Variants in COL5A3 observed in about 807,000 individuals in gnomAD.
COL5A3 encodes collagen alpha-3(V) chain.
COL5A3 carries 172 observed loss-of-function variants against 250.0 expected under a neutral mutation model. The observed-to-expected ratio is 0.69, with a 90% CI of 0.61 to 0.78. The LOEUF is 0.78. Ranked by LOEUF, COL5A3 falls within the 30% of genes least tolerant of loss-of-function variation. The pLI, the probability that COL5A3 is intolerant of heterozygous loss-of-function variation, is 0.00. For synonymous variants in COL5A3, 937 were observed against 900.4 expected, an observed-to-expected ratio of 1.04 and a Z score of -0.73; for missense variants, 2,340 against 2,334.4, an observed-to-expected ratio of 1.00 and a Z score of -0.05.
chr19:9,994,218 T>G (rs2087237812), intron 16 of COL5A3, among the ~76,000 whole-genome samples: 1 of 151,628 alleles, frequency 6.6e-6, no homozygotes, highest in South Asian at 2.1e-4. Context: ...CTTGCTCTCT[T>G]GCCCAGGCTG....
intron 31 of COL5A3, among the ~76,000 whole-genome samples, chr19:9,984,126 C>A (rs1375361065): frequency 1.3e-5 from 2 of 151,948 alleles, no homozygotes; most frequent in African/African-American, 4.8e-5. Context: ...CGGGCTCAAG[C>A]AATTCTCCTG....
At chr19:9,974,797 G>A (rs1289095871) in intron 45 of COL5A3, among the ~76,000 whole-genome samples, 3 of 152,056 alleles carry the variant, frequency 2.0e-5, no homozygotes, top group Admixed American at 6.6e-5. Flanking sequence ...TGTTCCTATT[G>A]TATGGTAATA....
chr19:10,008,422 TC>T (rs1413748331), intron 1 of COL5A3, among the ~76,000 whole-genome samples: 1 of 125,216 alleles, frequency 8.0e-6, no homozygotes, highest in Non-Finnish European at 1.6e-5. Context: ...CTGCATTGAG[TC>T]CTGCCTACAG....
chr19:9,965,089 T>C (rs1410336578), intron 64 of COL5A3, among the ~76,000 whole-genome samples: 1 of 151,588 alleles, frequency 6.6e-6, no homozygotes, highest in East Asian at 1.9e-4. Flanking sequence ...ATATTTGTTT[T>C]TGCATCAGTA....
At position 9,966,360 on chromosome 19, in the gene COL5A3, G is replaced by T; in HGVS notation, c.4736C>A (p.Thr1579Lys). The T allele has an allele frequency of 6.2e-7, 1 of 1,609,774 alleles. No homozygotes were observed. Among genetic ancestry groups the T allele is most frequent in the Non-Finnish European group, 8.5e-7 (1 of 1,177,604 alleles). The change falls in exon 64 of 67, where the codon ACG becomes AAG. Residue 1579 changes from threonine to lysine, a missense_variant. Thr to Lys is a moderately conservative substitution (Grantham distance 78, BLOSUM62 -1). Transcript: ENST00000264828. ...RDSFRVFCNF[T>K]AGGETCLYPD... The stretch of plus-strand genomic sequence containing the variant: ...ATAGAGGCAGGTCTCTCCTCCCGCC[G>T]TGAAGTTGCAAAAAACCCTGAACGA...
intron 41 of COL5A3, 42 bp from the exon 42 acceptor site, chr19:9,977,743 G>GCTGTC (rs1164132204): frequency 6.9e-7 from 1 of 1,445,068 alleles, no homozygotes; most frequent in Non-Finnish European, 9.2e-7. Flanking sequence ...ACCAGTAGTA[G>GCTGTC]CTGTCCTTTA....
chr19:9,998,496 T>C (rs945516262), intron 8 of COL5A3, among the ~76,000 whole-genome samples: 3 of 152,114 alleles, frequency 2.0e-5, no homozygotes, highest in Non-Finnish European at 4.4e-5. Context: ...GTAAAGTCAG[T>C]GGATGAATGA....
chr19:9,964,666 T>C (rs1249333062), intron 64 of COL5A3, among the ~76,000 whole-genome samples: 3 of 151,882 alleles, frequency 2.0e-5, no homozygotes, highest in African/African-American at 7.3e-5. Flanking sequence ...GCCAGGTTCT[T>C]GCTAAGTGCT....
rs1435273479 is a variant in COL5A3, at chr19:10,009,119, G to A, written c.88+1179C>T. ...TAGTCCAATCAGGGATTAACCATAT[G>A]GACAGGCACCTTCCTGGACTCCAAA... On this transcript the variant is annotated intron_variant, in intron 1 of 66. Transcript: ENST00000264828. The surrounding 1 kb of genome is among the most constrained non-coding windows in gnomAD (Gnocchi z 4.4). Among the ~76,000 whole-genome samples, 1 of 151,224 alleles carries A rather than the reference G, an allele frequency of 6.6e-6. No individual in the cohort carries two copies. Among genetic ancestry groups the A allele is most frequent in the Non-Finnish European group, 1.5e-5 (1 of 67,904 alleles).
At position 9,993,201 on chromosome 19, in the gene COL5A3, T is replaced by C. The variant is rs145849905; in HGVS notation, c.1750-134A>G. 503 of 1,150,210 alleles carry C rather than the reference T, an allele frequency of 4.4e-4. 5 individuals carry two copies. The African/African-American group carries it at 6.7e-3, about 15-fold the overall frequency. The allele number at this position is 1,150,210 out of a possible 1,614,324, so 71.3% of individuals were successfully genotyped here. ...CCTGGGAACCTGCAGACTAAGTTCA[T>C]GGGATTCCATTCAGGCCCCTGACTC... On this transcript the variant is annotated intron_variant, in intron 19 of 66. Transcript: ENST00000264828.
chr19:9,965,306 C>T (rs1035476224), intron 64 of COL5A3, among the ~76,000 whole-genome samples: 2 of 151,690 alleles, frequency 1.3e-5, no homozygotes, highest in African/African-American at 4.8e-5. Context: ...AGGCGCCTGC[C>T]ACCATGCCTG....
At position 9,974,395 on chromosome 19, in the gene COL5A3, G is replaced by A; in HGVS notation, c.3356C>T (p.Ala1119Val). 1 of 1,602,476 alleles carries A rather than the reference G, an allele frequency of 6.2e-7. No individual in the cohort carries two copies. Residue 1119 changes from alanine (A) to valine (V), a missense_variant, in exon 46 of 67, where the codon GCT becomes GTT. This residue lies in a region of COL5A3 where 1,179 missense variants were observed against 1,162.6 expected (regional missense o/e 1.01). Coordinates refer to ENST00000264828, the MANE Select transcript of COL5A3 (RefSeq NM_015719.4). ...GHPGPPGADG[A>V]QGRRGPPGLF... ...GCCTGGGGGTCCCCGGCGCCCCTGA[G>A]CCCCGTCTGCTCCCTGGAAGAACAC...
chr19:9,986,798 G>A, intron 27 of COL5A3, 40 bp from the exon 28 acceptor site: 2 of 1,607,586 alleles, frequency 1.2e-6, no homozygotes, highest in Non-Finnish European at 1.7e-6. Flanking sequence ...CCTCTTCCCT[G>A]CTTAAGAAGT....
rs1030343967 is a variant in COL5A3 at position 9,963,608 on chromosome 19, G to A, written c.4783-721C>T. Among the ~76,000 whole-genome samples the A allele has an allele frequency of 4.0e-5, 6 of 150,788 alleles. No homozygotes were observed. In the East Asian group the frequency reaches 9.8e-4, roughly 25 times the overall value. ...GGGTCTTTCTATGTTGCCCAGGCTGGTCTTGAACTCCTGGGCTCAAGCGAT... is the reference window on the plus strand; with the variant it reads ...GGGTCTTTCTATGTTGCCCAGGCTGATCTTGAACTCCTGGGCTCAAGCGAT... On this transcript the variant is annotated intron_variant, in intron 64 of 66. Coordinates refer to ENST00000264828, the MANE Select transcript of COL5A3 (RefSeq NM_015719.4).
intron 8 of COL5A3, among the ~76,000 whole-genome samples, chr19:9,999,107 G>C (rs148434048): frequency 1.4e-5 from 2 of 144,262 alleles, no homozygotes; most frequent in East Asian, 4.0e-4. Flanking sequence ...CTATTGCCCA[G>C]GCAGGCTTTT....
intron 8 of COL5A3, 83 bp from the exon 9 acceptor site, chr19:9,998,232 G>A: frequency 1.8e-5 from 18 of 1,014,718 alleles, no homozygotes; most frequent in Non-Finnish European, 2.3e-5. Context: ...ACACACACTT[G>A]CACACACACA....
intron 56 of COL5A3, 40 bp downstream of exon 56, chr19:9,969,535 C>G (rs770749533): frequency 1.9e-6 from 3 of 1,604,068 alleles, no homozygotes; most frequent in African/African-American, 2.7e-5. Context: ...CAGAGAGGAG[C>G]TGGATCCACC....
intron 18 of COL5A3, 74 bp from the exon 19 acceptor site, chr19:9,993,507 G>T: frequency 6.3e-7 from 1 of 1,579,448 alleles, no homozygotes; most frequent in Non-Finnish European, 8.7e-7. Context: ...GAAGGCAGAT[G>T]GGGTGTGAGG....
intron 40 of COL5A3, 105 bp downstream of exon 40, chr19:9,978,786 T>G (rs2086961985): frequency 3.0e-6 from 3 of 998,998 alleles, no homozygotes; most frequent in Non-Finnish European, 4.2e-6. Context: ...TTTTTTTTGC[T>G]TTCATCATTT....
Sources: gnomAD v4.1 joint callset for allele counts (sites outside exome capture counted in the v4.1 genomes callset) on GRCh38, gnomAD v4.1.1 for gene constraint, gnomAD v4.1.1 regional missense constraint, Gnocchi (gnomAD v3.1) non-coding constraint, MANE v1.5 for transcripts, NCBI Gene and HGNC (gene_info 2026-07-23, HGNC 2026-07-21) for gene names.